PLCL1: variants seen among roughly 807,000 people sequenced by gnomAD.
PLCL1 encodes the protein phospholipase C like 1 (inactive).
PLCL1 carries 41 observed loss-of-function variants against 84.4 expected under a neutral mutation model. That is an observed-to-expected ratio of 0.49 (90% CI 0.38 to 0.63). The LOEUF is 0.63. Ranked by LOEUF, PLCL1 falls within the 30% of genes least tolerant of loss-of-function variation. PLCL1 has a pLI of 0.00. For synonymous variants in PLCL1, 490 were observed against 488.3 expected, an observed-to-expected ratio of 1.00 and a Z score of -0.05; for missense variants, 1,206 against 1,367.8, an observed-to-expected ratio of 0.88 and a Z score of 1.87.
At chr2:197,918,936 GTCTCTCTC>G (rs71395692) in intron 1 of PLCL1, among the ~76,000 whole-genome samples, 4 of 83,158 alleles carry the variant, frequency 4.8e-5, no homozygotes, top group Non-Finnish European at 8.5e-5. Flanking sequence ...CGGAGACCCT[GTCTCTCTC>G]TCTCTCTCTC....
rs1454732776 is a variant in PLCL1, at chr2:198,085,847, T to C, written c.2330T>C (p.Ile777Thr). 1 of 1,614,192 alleles carries C rather than the reference T, an allele frequency of 6.2e-7. No homozygotes were observed. The change falls in exon 2 of 6, where the codon ATT becomes ACT. Residue 777 changes from isoleucine (I) to threonine (T), a missense_variant. Coordinates refer to ENST00000428675, the MANE Select transcript of PLCL1 (RefSeq NM_006226.4). This position sits in a 1 kb window ranked among gnomAD's most constrained non-coding sequence, Gnocchi z 5.3. ...GTACAGCAAAACAGTGATAATCCTATTTTTGATGAAACTTTTGAGTTCCAA... is the reference window on the plus strand; with the variant it reads ...GTACAGCAAAACAGTGATAATCCTACTTTTGATGAAACTTTTGAGTTCCAA... ...KTVQQNSDNP[I>T]FDETFEFQVN...
chr2:197,988,736 G>A (rs1266649047), intron 1 of PLCL1, among the ~76,000 whole-genome samples: 1 of 152,142 alleles, frequency 6.6e-6, no homozygotes, highest in Non-Finnish European at 1.5e-5. Flanking sequence ...TAGGTAGATA[G>A]CCAGTAGTGA....
intron 1 of PLCL1, among the ~76,000 whole-genome samples, chr2:197,819,045 G>C (rs111516498): frequency 2.5e-3 from 385 of 152,262 alleles, no homozygotes; most frequent in Non-Finnish European, 3.0e-3. Context: ...CAACTTCATA[G>C]AGAGTCAGCC....
chr2:198,036,790 T>C (rs1043796955), intron 1 of PLCL1, among the ~76,000 whole-genome samples: 6 of 152,082 alleles, frequency 3.9e-5, no homozygotes, highest in African/African-American at 1.4e-4. Flanking sequence ...AGACCATTGA[T>C]TACATAAATA....
At chr2:197,995,612 T>G (rs962750239) in intron 1 of PLCL1, among the ~76,000 whole-genome samples, 8 of 151,988 alleles carry the variant, frequency 5.3e-5, no homozygotes, top group African/African-American at 1.9e-4. Flanking sequence ...GAGCACAGCA[T>G]GGGAAGGCCA....
At chr2:197,891,707 T>C (rs529902396) in intron 1 of PLCL1, among the ~76,000 whole-genome samples, 3 of 152,068 alleles carry the variant, frequency 2.0e-5, no homozygotes, top group Non-Finnish European at 4.4e-5. Flanking sequence ...GCAGAGGTAA[T>C]ACATTTTTGT....
intron 1 of PLCL1, among the ~76,000 whole-genome samples, chr2:198,077,871 A>G (rs1384117947): frequency 6.6e-6 from 1 of 152,188 alleles, no homozygotes; most frequent in Non-Finnish European, 1.5e-5. Context: ...CCAAAAACCT[A>G]GAAGTCATCC....
intron 2 of PLCL1, among the ~76,000 whole-genome samples, chr2:198,087,897 C>T (rs181021718): frequency 6.6e-6 from 1 of 152,190 alleles, no homozygotes; most frequent in Non-Finnish European, 1.5e-5. Context: ...CATTCATGTG[C>T]AGAACCACAA....
At chr2:197,932,580 T>G (rs1277005476) in intron 1 of PLCL1, among the ~76,000 whole-genome samples, 3 of 152,160 alleles carry the variant, frequency 2.0e-5, no homozygotes, top group Non-Finnish European at 4.4e-5. Context: ...CCATGTGTTT[T>G]CATTGTTCAG....
intron 5 of PLCL1, among the ~76,000 whole-genome samples, chr2:198,112,064 T>C (rs1323340495): frequency 2.0e-5 from 3 of 151,928 alleles, no homozygotes; most frequent in African/African-American, 7.2e-5. Flanking sequence ...CTTTTCTCAA[T>C]CTGGTTTCCC....
chr2:198,101,198 T>A (rs902495100), intron 3 of PLCL1, 87 bp from the exon 4 acceptor site: 1 of 769,536 alleles, frequency 1.3e-6, no homozygotes, highest in East Asian at 2.5e-5. Flanking sequence ...ACTGGAGGTA[T>A]CATGTGGGTC....
intron 1 of PLCL1, among the ~76,000 whole-genome samples, chr2:198,029,670 C>T (rs900895044): frequency 3.9e-4 from 56 of 145,004 alleles, no homozygotes; most frequent in African/African-American, 1.4e-3. Context: ...CTCTTCCTTC[C>T]TTCTTCTCTT....
In PLCL1 at chr2:198,103,856, T is replaced by A. The variant is rs145391804; in HGVS notation, c.3025T>A (p.Leu1009Met). 9 of 1,605,716 alleles carry A rather than the reference T, an allele frequency of 5.6e-6. No homozygotes were observed. The African/African-American group carries it at 1.1e-4, about 19-fold the overall frequency. The change falls in exon 5 of 6, where the codon TTG becomes ATG. Residue 1009 changes from leucine (L) to methionine (M), a missense_variant. By Grantham distance (15) the Leu-to-Met change is conservative (BLOSUM62 2). Transcript: ENST00000428675. Reference sequence around the variant, plus strand: ...GGAGTTCCATGAAGAACTTCATAATTTGGGGGCAAAAGAAGGCTTGAAGGG... The same window carrying A: ...GGAGTTCCATGAAGAACTTCATAATATGGGGGCAAAAGAAGGCTTGAAGGG... ...GMEFHEELHN[L>M]GAKEGLKGRK...
intron 1 of PLCL1, among the ~76,000 whole-genome samples, chr2:197,927,410 G>A (rs1421683769): frequency 6.6e-6 from 1 of 152,134 alleles, no homozygotes; most frequent in Non-Finnish European, 1.5e-5. Flanking sequence ...CTTCTGTGAT[G>A]CTTCATATCT....
intron 1 of PLCL1, among the ~76,000 whole-genome samples, chr2:198,048,090 C>A (rs1380195738): frequency 6.6e-6 from 1 of 152,214 alleles, no homozygotes; most frequent in African/African-American, 2.4e-5. Context: ...TGGATTTTCT[C>A]TCAGTTTCTG....
chr2:197,805,413 G>C lies in PLCL1; in HGVS notation c.240+74G>C. On this transcript the variant is annotated intron_variant, in intron 1 of 5. Coordinates refer to ENST00000428675, the MANE Select transcript of PLCL1 (RefSeq NM_006226.4). The surrounding 1 kb of genome is among the most constrained non-coding windows in gnomAD (Gnocchi z 4.0). ...GGTCAGGGACCCGGGCAGGATGTGCGGTGTCCGGAGGCATCCGGGCTCAGC... is the reference window on the plus strand; with the variant it reads ...GGTCAGGGACCCGGGCAGGATGTGCCGTGTCCGGAGGCATCCGGGCTCAGC... 8.1e-7 allele frequency: 1 copy of C among 1,230,974 alleles called. No individual in the cohort carries two copies. The highest frequency in any genetic ancestry group is 1.0e-6 in the Non-Finnish European group (1 of 973,128). 76.3% of individuals were successfully genotyped at this position (1,230,974 alleles called of 1,614,324 possible).
Position 197,916,839 on chromosome 2 carries a change from G to A in PLCL1, c.240+111500G>A, listed in dbSNP as rs550275619. Among the ~76,000 whole-genome samples, 3 of 152,272 alleles carry A rather than the reference G, an allele frequency of 2.0e-5. No homozygotes were observed. In the South Asian group the frequency reaches 6.2e-4, roughly 32 times the overall value. On this transcript the variant is annotated intron_variant, in intron 1 of 5. Transcript: ENST00000428675. ...ATACCTCACTAAAAATATACATGAT[G>A]ACAAGCATATGGAAAGATGTCATTT...
intron 1 of PLCL1, among the ~76,000 whole-genome samples, chr2:197,830,800 C>T (rs1318578563): frequency 2.0e-5 from 3 of 152,124 alleles, no homozygotes; most frequent in Non-Finnish European, 2.9e-5. Context: ...CAAAGGGAAG[C>T]CCATCAGACT....
chr2:197,854,579 A>C (rs1687297486), intron 1 of PLCL1, among the ~76,000 whole-genome samples: 1 of 152,318 alleles, frequency 6.6e-6, no homozygotes, highest in Non-Finnish European at 1.5e-5. Flanking sequence ...GGATGCCATA[A>C]TTTATGTTAA....
Sources: gnomAD v4.1 joint callset for allele counts (sites outside exome capture counted in the v4.1 genomes callset) on GRCh38, gnomAD v4.1.1 for gene constraint, Gnocchi (gnomAD v3.1) non-coding constraint, MANE v1.5 for transcripts, NCBI Gene and HGNC (gene_info 2026-07-23, HGNC 2026-07-21) for gene names.